Variants in TNNI3K observed in about 807,000 individuals in gnomAD.
TNNI3K encodes the protein serine/threonine-protein kinase TNNI3K.
A neutral mutation model predicts 114.5 loss-of-function variants in TNNI3K; 140 were observed. The ratio of observed to expected loss-of-function variants is 1.22; its 90% CI spans 1.07 to 1.41. The LOEUF is 1.41. Among genes scored for constraint, TNNI3K ranks in the 40% most tolerant of loss-of-function variants. TNNI3K has a pLI of 0.00. For synonymous variants in TNNI3K, 347 were observed against 347.5 expected, an observed-to-expected ratio of 1.00 and a Z score of 0.02; for missense variants, 1,125 against 1,007.6, an observed-to-expected ratio of 1.12 and a Z score of -1.58.
At chr1:74,465,058 G>A (rs1487326345) in intron 21 of TNNI3K, 11 of 991,400 alleles carry the variant, frequency 1.1e-5, no homozygotes, top group Non-Finnish European at 1.3e-5. Context: ...GAAAAAGTAT[G>A]TCAAGCACCT....
At chr1:74,356,286 A>G (rs1350144975) in intron 11 of TNNI3K, among the ~76,000 whole-genome samples, 1 of 152,134 alleles carries the variant, frequency 6.6e-6, no homozygotes, top group Non-Finnish European at 1.5e-5. Context: ...GTTCACGAGC[A>G]TTTGGATAAT....
chr1:74,477,397 G>T (rs146949401), intron 21 of TNNI3K, among the ~76,000 whole-genome samples: 1 of 152,048 alleles, frequency 6.6e-6, no homozygotes, highest in East Asian at 1.9e-4. Flanking sequence ...TGTGATTTGT[G>T]ATTATTATTA....
In TNNI3K at chr1:74,385,617, GA is replaced by G. The variant is rs45583037; in HGVS notation, c.1772+15232del. Among the ~76,000 whole-genome samples the G allele has an allele frequency of 5.8e-3, 884 of 152,008 alleles. 3 individuals are homozygous for G. The highest frequency in any genetic ancestry group is 0.011 in the South Asian group (51 of 4,814). ...AAAAATCAACATAACTGAAATGGAA[GA>G]AAAAAAGGTTTACTAAGATGGCATT... On this transcript the variant is annotated intron_variant, in intron 17 of 24. Coordinates refer to ENST00000326637, the MANE Select transcript of TNNI3K (RefSeq NM_015978.3).
chr1:74,511,637 G>A (rs1236305189), intron 23 of TNNI3K, among the ~76,000 whole-genome samples: 1 of 152,042 alleles, frequency 6.6e-6, no homozygotes, highest in African/African-American at 2.4e-5. Context: ...TGATGGATTA[G>A]AGATCTCTTC....
intron 17 of TNNI3K, among the ~76,000 whole-genome samples, chr1:74,409,165 G>A (rs1011802472): frequency 3.9e-5 from 6 of 152,078 alleles, no homozygotes; most frequent in Non-Finnish European, 7.4e-5. Context: ...ATTTGCACTT[G>A]AGGACACTGA....
intron 9 of TNNI3K, among the ~76,000 whole-genome samples, chr1:74,344,562 G>T (rs1660901403): frequency 1.3e-5 from 2 of 152,154 alleles, no homozygotes; most frequent in African/African-American, 2.4e-5. Context: ...ATCTGTCCCT[G>T]CAGGGGACAG....
At chr1:74,402,827 G>A (rs1664435615) in intron 17 of TNNI3K, among the ~76,000 whole-genome samples, 1 of 152,082 alleles carries the variant, frequency 6.6e-6, no homozygotes, top group South Asian at 2.1e-4. Context: ...CTTTGAATGT[G>A]GCCTAACACA....
At chr1:74,520,705 A>T (rs1346535780) in intron 23 of TNNI3K, among the ~76,000 whole-genome samples, 1 of 152,094 alleles carries the variant, frequency 6.6e-6, no homozygotes, top group Admixed American at 6.6e-5. Flanking sequence ...AAGAGAAGGA[A>T]GGGAGGCCTG....
intron 4 of TNNI3K, among the ~76,000 whole-genome samples, chr1:74,253,965 T>C (rs1378691605): frequency 6.6e-6 from 1 of 152,224 alleles, no homozygotes. Context: ...GCATTAAACC[T>C]ACTTCTAATT....
intron 16 of TNNI3K, 27 bp downstream of exon 16, chr1:74,369,612 C>A (rs200702833): frequency 3.2e-6 from 5 of 1,549,580 alleles, no homozygotes; most frequent in Non-Finnish European, 4.3e-6. Flanking sequence ...CTGATTTATC[C>A]TTGGACATTC....
intron 17 of TNNI3K, among the ~76,000 whole-genome samples, chr1:74,405,728 GA>G (rs776589611): frequency 1.3e-5 from 2 of 152,118 alleles, no homozygotes; most frequent in Non-Finnish European, 2.9e-5. Context: ...AAATAAACAT[GA>G]TTTCCTATGA....
At chr1:74,377,219 G>A (rs1001469204) in intron 17 of TNNI3K, 3 of 152,086 alleles carry the variant, frequency 2.0e-5, no homozygotes, top group South Asian at 2.1e-4. Flanking sequence ...AAGTCACAAC[G>A]TAACTCCAAA....
At chr1:74,424,229 A>G (rs995584640) in intron 17 of TNNI3K, among the ~76,000 whole-genome samples, 1 of 152,116 alleles carries the variant, frequency 6.6e-6, no homozygotes, top group African/African-American at 2.4e-5. Context: ...TTGGTTGAAA[A>G]GAAGGAGGGC....
intron 21 of TNNI3K, among the ~76,000 whole-genome samples, chr1:74,479,959 T>C (rs1378184271): frequency 1.3e-5 from 2 of 152,238 alleles, no homozygotes; most frequent in Non-Finnish European, 2.9e-5. Flanking sequence ...CTTTCCTCTA[T>C]GTTAGACAGC....
At chr1:74,393,465 A>G (rs189436519) in intron 17 of TNNI3K, among the ~76,000 whole-genome samples, 1 of 152,328 alleles carries the variant, frequency 6.6e-6, no homozygotes, top group East Asian at 1.9e-4. Flanking sequence ...GTGTTCAAGC[A>G]CCTGAAATCA....
intron 2 of TNNI3K, among the ~76,000 whole-genome samples, chr1:74,248,965 G>C (rs1042194505): frequency 3.9e-5 from 6 of 152,108 alleles, no homozygotes; most frequent in Admixed American, 3.3e-4. Flanking sequence ...AGGCAAAGGG[G>C]AAGGTCTTTC....
chr1:74,332,637 A>G (rs1002789896), intron 6 of TNNI3K, among the ~76,000 whole-genome samples: 1 of 152,122 alleles, frequency 6.6e-6, no homozygotes, highest in African/African-American at 2.4e-5. Flanking sequence ...CATGAAGCTC[A>G]GTCAGGTGAG....
chr1:74,264,571 A>T (rs1022531474), intron 4 of TNNI3K, among the ~76,000 whole-genome samples: 3 of 152,112 alleles, frequency 2.0e-5, no homozygotes, highest in African/African-American at 7.2e-5. Context: ...GAAACATTTT[A>T]AAAACTTTTA....
intron 20 of TNNI3K, among the ~76,000 whole-genome samples, chr1:74,451,200 A>G (rs1016934608): frequency 6.6e-6 from 1 of 152,134 alleles, no homozygotes; most frequent in Non-Finnish European, 1.5e-5. Flanking sequence ...AAACAATGAG[A>G]ACACATGGAC....
Sources: gnomAD v4.1 joint callset for allele counts (sites outside exome capture counted in the v4.1 genomes callset) on GRCh38, gnomAD v4.1.1 for gene constraint, MANE v1.5 for transcripts, NCBI Gene and HGNC (gene_info 2026-07-23, HGNC 2026-07-21) for gene names.